Variants in MAP2K5 observed in about 807,000 individuals in gnomAD.
MAP2K5 encodes the protein mitogen-activated protein kinase kinase 5.
A neutral mutation model predicts 83.1 loss-of-function variants in MAP2K5; 49 were observed. The ratio of observed to expected loss-of-function variants is 0.59; its 90% CI spans 0.47 to 0.75. The LOEUF (loss-of-function observed/expected upper bound fraction) is 0.75, where lower values mean the gene tolerates loss of function less well. Ranked by LOEUF, MAP2K5 falls within the 30% of genes least tolerant of loss-of-function variation. The pLI is 0.00. For missense variants in MAP2K5, 457 were observed against 557.5 expected, an observed-to-expected ratio of 0.82 and a Z score of 1.82; for synonymous variants, 202 against 191.8, an observed-to-expected ratio of 1.05 and a Z score of -0.44.
intron 12 of MAP2K5, among the ~76,000 whole-genome samples, chr15:67,660,873 A>AG (rs1190696986): frequency 6.6e-6 from 1 of 151,478 alleles, no homozygotes; most frequent in Non-Finnish European, 1.5e-5. Flanking sequence ...CAGAATGAGA[A>AG]AAAAAAAAAA....
intron 7 of MAP2K5, among the ~76,000 whole-genome samples, chr15:67,597,284 T>A (rs1420168406): frequency 4.6e-5 from 7 of 152,258 alleles, no homozygotes; most frequent in African/African-American, 1.7e-4. Flanking sequence ...ATTTTTCTTC[T>A]TAAAAACTAA....
chr15:67,614,289 A>C (rs772206109), intron 8 of MAP2K5, among the ~76,000 whole-genome samples: 4 of 152,214 alleles, frequency 2.6e-5, no homozygotes, highest in Non-Finnish European at 4.4e-5. Context: ...TATATGTAAA[A>C]TGTTTTATAA....
rs1168796768 is a variant in MAP2K5 at position 67,770,364 on chromosome 15, T to TC, written c.1196+705dup. On this transcript the variant is annotated intron_variant, in intron 20 of 21. Coordinates refer to ENST00000178640, the MANE Select transcript of MAP2K5 (RefSeq NM_145160.3). This position sits in a 1 kb window ranked among gnomAD's most constrained non-coding sequence, Gnocchi z 5.0. ...CTTTTATTACCCCTTTCACCATCAT[T>TC]CCCCTCTTCCCTCGTCCTGCAGGAC... Among the ~76,000 whole-genome samples, 2 of 152,260 alleles carry TC rather than the reference T, an allele frequency of 1.3e-5. No homozygotes were observed. Among genetic ancestry groups the TC allele is most frequent in the African/African-American group, 4.8e-5 (2 of 41,530 alleles).
At chr15:67,767,727 A>G (rs2090067338) in intron 19 of MAP2K5, among the ~76,000 whole-genome samples, 1 of 152,120 alleles carries the variant, frequency 6.6e-6, no homozygotes, top group Non-Finnish European at 1.5e-5. Context: ...GCCATTTTAT[A>G]TACCTTTATT....
chr15:67,715,222 T>C (rs1011192884), intron 16 of MAP2K5, among the ~76,000 whole-genome samples: 6 of 148,290 alleles, frequency 4.0e-5, no homozygotes, highest in Middle Eastern at 3.4e-3. Context: ...CCACTGTCTT[T>C]TTTTTGGGCG....
chr15:67,727,325 T>C (rs990340191), intron 16 of MAP2K5, among the ~76,000 whole-genome samples: 3 of 152,238 alleles, frequency 2.0e-5, no homozygotes, highest in Non-Finnish European at 4.4e-5. Flanking sequence ...AGTTTACAAA[T>C]CAAGTTAGAT....
intron 21 of MAP2K5, among the ~76,000 whole-genome samples, chr15:67,772,993 C>T (rs531248453): frequency 1.3e-5 from 2 of 152,284 alleles, no homozygotes; most frequent in Non-Finnish European, 1.5e-5. Flanking sequence ...CATCAAGGGT[C>T]ACAAACTTAA....
At chr15:67,643,456 AT>A (rs990327890) in intron 9 of MAP2K5, among the ~76,000 whole-genome samples, 4 of 149,150 alleles carry the variant, frequency 2.7e-5, no homozygotes, top group African/African-American at 4.9e-5. Context: ...AAACTCTTTT[AT>A]TTTTTTTGAG....
rs2084316323 is a variant in MAP2K5, at chr15:67,542,726, GC to G, written c.-609del. On this transcript the variant is annotated 5_prime_UTR_variant, in exon 1 of 22. Coordinates refer to ENST00000178640, the MANE Select transcript of MAP2K5 (RefSeq NM_145160.3). ...CCGCCTTCCTCCTCCTCCTCTCGCC[GC>G]TACCGCCGTCGCCGCCGCCGCAGCC... 1.0e-5 allele frequency: 1 copy of G among 97,692 alleles called. No homozygotes were observed. The highest frequency in any genetic ancestry group is 2.5e-5 in the Non-Finnish European group (1 of 39,494). 6.1% of individuals were successfully genotyped at this position (97,692 alleles called of 1,614,324 possible). A position where few individuals can be genotyped will look rare whatever the true frequency, so the allele number is the denominator to read the frequency against.
chr15:67,577,306 G>A lies in MAP2K5; in HGVS notation c.253-3448G>A, dbSNP rs1410668528. ...AAACTGATGTTTAATAAAGTTAAAT[G>A]TCTTCCTGAAGGCTACACAAGTTAA... On this transcript the variant is annotated intron_variant, in intron 3 of 21. Transcript: ENST00000178640. The surrounding 1 kb of genome is among the most constrained non-coding windows in gnomAD (Gnocchi z 4.1). 6.6e-6 allele frequency among the ~76,000 whole-genome samples: 1 copy of A among 152,162 alleles called. No homozygotes were observed. The highest frequency in any genetic ancestry group is 1.5e-5 in the Non-Finnish European group (1 of 68,030).
Position 67,727,965 on chromosome 15 carries a change from C to A in MAP2K5, c.1074+20C>A. The stretch of plus-strand genomic sequence containing the variant: ...CCTCAGGTAAGATTGTTCATTACTG[C>A]TGTTTGCCACTGTGACATTCATTCC... On this transcript the variant is annotated intron_variant, in intron 17 of 21. Transcript: ENST00000178640. 1 of 1,600,240 alleles carries A rather than the reference C, an allele frequency of 6.2e-7. No homozygotes were observed. Among genetic ancestry groups the A allele is most frequent in the Non-Finnish European group, 8.6e-7 (1 of 1,167,490 alleles).
Position 67,758,788 on chromosome 15 carries a change from C to CT in MAP2K5, c.1134+10187_1134+10188insT, listed in dbSNP as rs1465286221. Among the ~76,000 whole-genome samples the CT allele has an allele frequency of 3.3e-5, 5 of 152,180 alleles. No homozygotes were observed. The highest frequency in any genetic ancestry group is 5.9e-5 in the Non-Finnish European group (4 of 68,034). ...TCCCCACAACACTCTATTTTACAGA[C>CT]AAGGAAACTGAGTGACAATCAAAGG... On this transcript the variant is annotated intron_variant, in intron 19 of 21. Coordinates refer to ENST00000178640, the MANE Select transcript of MAP2K5 (RefSeq NM_145160.3). This position sits in a 1 kb window ranked among gnomAD's most constrained non-coding sequence, Gnocchi z 4.7.
chr15:67,689,215 C>A (rs2088034525), intron 13 of MAP2K5, among the ~76,000 whole-genome samples: 1 of 152,180 alleles, frequency 6.6e-6, no homozygotes, highest in South Asian at 2.1e-4. Context: ...CATAGCAAGA[C>A]CCTGTCTCTG....
intron 11 of MAP2K5, among the ~76,000 whole-genome samples, chr15:67,648,677 T>G (rs2086887595): frequency 1.3e-5 from 2 of 149,252 alleles, no homozygotes; most frequent in Admixed American, 1.3e-4. Flanking sequence ...CTCCACCTCC[T>G]GGGTTCAAGC....
At chr15:67,621,723 G>A (rs1191420882) in intron 8 of MAP2K5, among the ~76,000 whole-genome samples, 1 of 152,080 alleles carries the variant, frequency 6.6e-6, no homozygotes, top group Non-Finnish European at 1.5e-5. Flanking sequence ...TAGACCTAGA[G>A]CAATCAAATG....
intron 21 of MAP2K5, among the ~76,000 whole-genome samples, chr15:67,795,925 G>A (rs1291359397): frequency 6.6e-6 from 1 of 152,074 alleles, no homozygotes; most frequent in African/African-American, 2.4e-5. Flanking sequence ...AAAATATTGT[G>A]TCTTCATTTC....
intron 8 of MAP2K5, among the ~76,000 whole-genome samples, chr15:67,607,856 A>G (rs1164325535): frequency 1.3e-5 from 2 of 152,176 alleles, no homozygotes; most frequent in Non-Finnish European, 2.9e-5. Flanking sequence ...ATGGGTAACA[A>G]AATTGTTCTA....
Position 67,770,802 on chromosome 15 carries a change from G to A in MAP2K5, c.1196+1139G>A, listed in dbSNP as rs1241607972. On this transcript the variant is annotated intron_variant, in intron 20 of 21. Transcript: ENST00000178640. The surrounding 1 kb of genome is among the most constrained non-coding windows in gnomAD (Gnocchi z 5.0). ...TCACCTTTTTGACTAAGTGTAACAT[G>A]TTACCTCTTAATAAAAATGTCTCAT... 1.3e-5 allele frequency among the ~76,000 whole-genome samples: 2 copies of A among 152,040 alleles called. No homozygotes were observed. Among genetic ancestry groups the A allele is most frequent in the East Asian group, 1.9e-4 (1 of 5,194 alleles).
rs142279660 is a variant in MAP2K5, at chr15:67,558,249, T to C, written c.185-5034T>C. On this transcript the variant is annotated intron_variant, in intron 2 of 21. Transcript: ENST00000178640. ...GCACGTAATAGGCACTCTATGTGTG[T>C]TTCTGGAATGCATGGATGGTTGAAG... Among the ~76,000 whole-genome samples the C allele has an allele frequency of 3.9e-5, 6 of 152,304 alleles. No homozygotes were observed. In the East Asian group the frequency reaches 1.2e-3, roughly 29 times the overall value.
Sources: allele counts gnomAD v4.1 joint callset (sites outside exome capture counted in the v4.1 genomes callset), GRCh38; gene constraint gnomAD v4.1.1; non-coding constraint Gnocchi (gnomAD v3.1); transcripts MANE v1.5; gene names NCBI Gene and HGNC (gene_info 2026-07-23, HGNC 2026-07-21).